Variants in IMMP2L observed in about 807,000 individuals in gnomAD.
The protein encoded by IMMP2L is mitochondrial inner membrane protease subunit 2.
Under a neutral mutation model 19.3 loss-of-function variants are expected in IMMP2L, and 18 were observed. The ratio of observed to expected loss-of-function variants is 0.93; its 90% CI spans 0.64 to 1.38. The LOEUF (loss-of-function observed/expected upper bound fraction) is 1.38. IMMP2L is among the 40% of genes most tolerant of loss of function. The probability of loss-of-function intolerance (pLI) is 0.00; values close to 1 mark genes in which losing one functional copy is unlikely to be tolerated. For missense variants in IMMP2L, 233 were observed against 218.2 expected, an observed-to-expected ratio of 1.07 and a Z score of -0.43; for synonymous variants, 76 against 73.0, an observed-to-expected ratio of 1.04 and a Z score of -0.21.
chr7:110,869,593 G>T (rs551243555), intron 5 of IMMP2L, among the ~76,000 whole-genome samples: 1 of 152,092 alleles, frequency 6.6e-6, no homozygotes, highest in Non-Finnish European at 1.5e-5. Context: ...CCTTGCATTT[G>T]AACTGTATTA....
intron 3 of IMMP2L, among the ~76,000 whole-genome samples, chr7:111,343,112 CA>C (rs932153607): frequency 2.0e-5 from 3 of 152,038 alleles, no homozygotes; most frequent in Non-Finnish European, 4.4e-5. Flanking sequence ...AGAATATTAT[CA>C]ACAAATATTT....
At chr7:110,882,335 T>TCCTTCCTTCCTTCCTTCCTC (rs1809757081) in intron 5 of IMMP2L, among the ~76,000 whole-genome samples, 1 of 144,574 alleles carries the variant, frequency 6.9e-6, no homozygotes, top group African/African-American at 2.6e-5. Flanking sequence ...CTTCCTTCCT[T>TCCTTCCTTCCTTCCTTCCTC]CCTTCCCTCC....
At chr7:111,006,873 CTGAATCAT>C (rs1317855554) in intron 3 of IMMP2L, among the ~76,000 whole-genome samples, 1 of 152,160 alleles carries the variant, frequency 6.6e-6, no homozygotes, top group Non-Finnish European at 1.5e-5. Flanking sequence ...TTTCCCTCTG[CTGAATCAT>C]TCACATATAT....
chr7:111,231,949 A>T (rs1301265846), intron 3 of IMMP2L, among the ~76,000 whole-genome samples: 1 of 152,026 alleles, frequency 6.6e-6, no homozygotes, highest in Non-Finnish European at 1.5e-5. Flanking sequence ...GAATCTTAAG[A>T]CAATTCAAAC....
chr7:110,795,847 G>A (rs1800828097), intron 5 of IMMP2L, among the ~76,000 whole-genome samples: 1 of 152,060 alleles, frequency 6.6e-6, no homozygotes, highest in Admixed American at 6.6e-5. Flanking sequence ...CCCCCAAGGA[G>A]AGCATTATAC....
chr7:111,001,458 T>G (rs948434911), intron 3 of IMMP2L, among the ~76,000 whole-genome samples: 1 of 152,176 alleles, frequency 6.6e-6, no homozygotes, highest in African/African-American at 2.4e-5. Context: ...TTTGAACAGA[T>G]TAGTTTTAAA....
chr7:110,921,394 C>T (rs1324897074), intron 4 of IMMP2L, among the ~76,000 whole-genome samples: 1 of 152,092 alleles, frequency 6.6e-6, no homozygotes, highest in Non-Finnish European at 1.5e-5. Flanking sequence ...TGGAGATGTT[C>T]ATCTGCTAGA....
At position 110,924,225 on chromosome 7, in the gene IMMP2L, C is replaced by A. The variant is rs1295550540; in HGVS notation, c.306-37530G>T. Among the ~76,000 whole-genome samples, 1 of 152,120 alleles carries A rather than the reference C, an allele frequency of 6.6e-6. No individual in the cohort carries two copies. On this transcript the variant is annotated intron_variant, in intron 4 of 5. Coordinates refer to ENST00000405709, the MANE Select transcript of IMMP2L (RefSeq NM_032549.4). This position sits in a 1 kb window ranked among gnomAD's most constrained non-coding sequence, Gnocchi z 4.2. ...AAGAACATAGACAGCACTGTTTCTC[C>A]CCAGTGTGTCTTTAATTTCCTTTAT... is the stretch of plus-strand genomic sequence containing the variant.
At chr7:110,993,023 A>T (rs1822652331) in intron 3 of IMMP2L, among the ~76,000 whole-genome samples, 1 of 152,172 alleles carries the variant, frequency 6.6e-6, no homozygotes, top group South Asian at 2.1e-4. Flanking sequence ...TCTCAACCTA[A>T]TCTTGTTATA....
chr7:111,113,873 G>A (rs1008069802), intron 3 of IMMP2L, among the ~76,000 whole-genome samples: 2 of 151,994 alleles, frequency 1.3e-5, no homozygotes, highest in African/African-American at 4.8e-5. Flanking sequence ...CAAATAAACT[G>A]GAACTAAATC....
At chr7:111,464,353 T>C (rs1585208837) in intron 3 of IMMP2L, among the ~76,000 whole-genome samples, 2 of 152,142 alleles carry the variant, frequency 1.3e-5, no homozygotes, top group East Asian at 3.9e-4. Flanking sequence ...CATGGTAGTG[T>C]TGACCTGCAG....
At chr7:111,016,482 A>C (rs1433831253) in intron 3 of IMMP2L, among the ~76,000 whole-genome samples, 1 of 128,334 alleles carries the variant, frequency 7.8e-6, no homozygotes, top group Non-Finnish European at 1.6e-5. Flanking sequence ...AGTTTATACT[A>C]TATATTTTAT....
At chr7:111,302,793 G>A (rs144695323) in intron 3 of IMMP2L, among the ~76,000 whole-genome samples, 1 of 151,816 alleles carries the variant, frequency 6.6e-6, no homozygotes, top group Non-Finnish European at 1.5e-5. Context: ...AAGTTCCAAA[G>A]AAAAATATTG....
intron 2 of IMMP2L, among the ~76,000 whole-genome samples, chr7:111,498,060 T>A (rs1054990917): frequency 6.6e-6 from 1 of 152,052 alleles, no homozygotes; most frequent in South Asian, 2.1e-4. Flanking sequence ...GGAAAGCATC[T>A]GATTTTTATA....
At chr7:111,052,066 A>G (rs1248987340) in intron 3 of IMMP2L, among the ~76,000 whole-genome samples, 1 of 152,214 alleles carries the variant, frequency 6.6e-6, no homozygotes, top group Admixed American at 6.5e-5. Flanking sequence ...CTTTGTAGCA[A>G]TACCCACCTC....
intron 3 of IMMP2L, among the ~76,000 whole-genome samples, chr7:111,447,238 T>A: frequency 7.6e-6 from 1 of 131,220 alleles, no homozygotes; most frequent in African/African-American, 3.1e-5. Context: ...GAAGAGCAAC[T>A]CCAAGACACA....
intron 3 of IMMP2L, among the ~76,000 whole-genome samples, chr7:111,374,817 C>T (rs888353070): frequency 6.6e-6 from 1 of 152,134 alleles, no homozygotes; most frequent in African/African-American, 2.4e-5. Context: ...ACACTGGATG[C>T]TGCATTCAAT....
intron 3 of IMMP2L, among the ~76,000 whole-genome samples, chr7:111,223,769 T>C (rs549189492): frequency 6.6e-6 from 1 of 152,246 alleles, no homozygotes; most frequent in South Asian, 2.1e-4. Flanking sequence ...CTGATATTTA[T>C]TAAGTTTAAA....
chr7:110,800,326 C>T lies in IMMP2L; in HGVS notation c.408+86267G>A, dbSNP rs1262218989. On this transcript the variant is annotated intron_variant, in intron 5 of 5. Transcript: ENST00000405709. Reference sequence around the variant, plus strand: ...GAGAGCAAATTATCAAGCTCCCCTCCCGCCCAAAGCTGAATGGCATGTCCA... The same window carrying T: ...GAGAGCAAATTATCAAGCTCCCCTCTCGCCCAAAGCTGAATGGCATGTCCA... Among the ~76,000 whole-genome samples the T allele has an allele frequency of 2.6e-5, 4 of 152,034 alleles. No individual in the cohort carries two copies. The South Asian group carries it at 6.2e-4, about 24-fold the overall frequency.
Sources: gnomAD v4.1 joint callset for allele counts (sites outside exome capture counted in the v4.1 genomes callset) on GRCh38, gnomAD v4.1.1 for gene constraint, Gnocchi (gnomAD v3.1) non-coding constraint, MANE v1.5 for transcripts, NCBI Gene and HGNC (gene_info 2026-07-23, HGNC 2026-07-21) for gene names.